DLC1: variants seen among roughly 807,000 people sequenced by gnomAD.
The protein encoded by DLC1 is rho GTPase-activating protein 7.
Under a neutral mutation model 140.3 loss-of-function variants are expected in DLC1, and 54 were observed. The ratio of observed to expected loss-of-function variants is 0.38; its 90% CI spans 0.31 to 0.48. DLC1 has a LOEUF of 0.48. Among genes scored for constraint, DLC1 ranks in the 20% least tolerant of loss-of-function variants. DLC1 has a pLI of 0.96. For missense variants in DLC1, 2,536 were observed against 1,907.0 expected, an observed-to-expected ratio of 1.33 and a Z score of -6.14; for synonymous variants, 986 against 728.1, an observed-to-expected ratio of 1.35 and a Z score of -5.70.
At chr8:13,597,797 A>G (rs984827830) in intron 1 of DLC1, among the ~76,000 whole-genome samples, 7 of 152,256 alleles carry the variant, frequency 4.6e-5, no homozygotes, top group Admixed American at 6.6e-5. Context: ...ATAACTGCAC[A>G]GAAGGACTGA....
At chr8:13,206,135 A>G (rs2117087969) in intron 5 of DLC1, among the ~76,000 whole-genome samples, 1 of 152,320 alleles carries the variant, frequency 6.6e-6, no homozygotes, top group East Asian at 1.9e-4. Flanking sequence ...TTAGTTATGT[A>G]ACACCCAATT....
Position 13,568,182 on chromosome 8 carries a change from A to AC in DLC1, c.-126+36354_-126+36355insG, listed in dbSNP as rs1804524614. 5 of 471,286 alleles carry AC rather than the reference A, an allele frequency of 1.1e-5. No homozygotes were observed. In the Admixed American group the frequency reaches 2.0e-4, roughly 19 times the overall value. The allele number at this position is 471,286 out of a possible 1,614,324, so 29.2% of individuals were successfully genotyped here. A position where few individuals can be genotyped will look rare whatever the true frequency, so the allele number is the denominator to read the frequency against. On this transcript the variant is annotated intron_variant, in intron 1 of 1. Coordinates refer to the DLC1 transcript ENST00000631382. ...GTTTGGGCCAGGATGTTGATGGTAC[A>AC]GAAGCAAAGTAGTATGGGGATGTAA...
At chr8:13,395,036 TCTATCTATCTATCTATTA>T (rs1414021423) in intron 3 of DLC1, among the ~76,000 whole-genome samples, 2 of 147,298 alleles carry the variant, frequency 1.4e-5, no homozygotes, top group African/African-American at 5.0e-5. Flanking sequence ...CTATCTATCA[TCTATCTATCTATCTATTA>T]GGTACCTATC....
intron 4 of DLC1, among the ~76,000 whole-genome samples, chr8:13,314,021 A>T (rs1402753519): frequency 6.6e-6 from 1 of 152,066 alleles, no homozygotes; most frequent in African/African-American, 2.4e-5. Context: ...GCATAAGTGG[A>T]AGTGATCCCT....
intron 8 of DLC1, 133 bp from the exon 9 acceptor site, chr8:13,100,903 A>ATTT: frequency 1.3e-4 from 96 of 762,174 alleles, no homozygotes; most frequent in Non-Finnish European, 1.6e-4. Flanking sequence ...TTAATTTTAA[A>ATTT]GTTTTTTTTT....
In DLC1 at chr8:13,499,792, C is replaced by T. The variant is rs549677737; in HGVS notation, c.280G>A (p.Glu94Lys). ...DVDENDSHEGEDQFLSLEAST... is the reference protein window; with the variant it reads ...DVDENDSHEGKDQFLSLEAST... ...GCTTCCAGAGAAAGAAACTGATCTT[C>T]ACCTTCATGGCTGTCATTTTCGTCC... The change falls in exon 2 of 18, where the codon GAA becomes AAA. Residue 94 changes from glutamate (E) to lysine (K), a missense_variant. Coordinates refer to ENST00000276297, the MANE Select transcript of DLC1 (RefSeq NM_182643.3). 23 of 1,614,050 alleles carry T rather than the reference C, an allele frequency of 1.4e-5. No homozygotes were observed. The South Asian group carries it at 2.5e-4, about 18-fold the overall frequency.
At chr8:13,506,579 G>GTATA (rs1174731445) in intron 1 of DLC1, among the ~76,000 whole-genome samples, 12 of 7,060 alleles carry the variant, frequency 1.7e-3, no homozygotes, top group African/African-American at 3.3e-3. Context: ...GTGTGTGTGT[G>GTATA]TGTATATATA....
At chr8:13,094,308 C>T (rs1412746377) in intron 12 of DLC1, among the ~76,000 whole-genome samples, 4 of 152,288 alleles carry the variant, frequency 2.6e-5, no homozygotes, top group African/African-American at 2.4e-5. Flanking sequence ...ACAAACAAGG[C>T]GGCAAGGAAG....
rs537117348 is a variant in DLC1, at chr8:13,188,112, T to A, written c.1349-72455A>T. Reference sequence around the variant, plus strand: ...TTTTTTTTTTTTTTGAGACAGAGTCTTGCTCTTGTTGCGCAGGCTGGAGTG... The same window carrying A: ...TTTTTTTTTTTTTTGAGACAGAGTCATGCTCTTGTTGCGCAGGCTGGAGTG... On this transcript the variant is annotated intron_variant, in intron 5 of 17. Coordinates refer to ENST00000276297, the MANE Select transcript of DLC1 (RefSeq NM_182643.3). Among the ~76,000 whole-genome samples the A allele has an allele frequency of 1.1e-4, 15 of 141,140 alleles. No individual in the cohort carries two copies. In the East Asian group the frequency reaches 3.2e-3, roughly 30 times the overall value. 92.6% of individuals were successfully genotyped at this position (141,140 alleles called of 152,430 possible).
chr8:13,366,630 T>A (rs1729176), intron 4 of DLC1, among the ~76,000 whole-genome samples: 55 of 152,070 alleles, frequency 3.6e-4, no homozygotes, highest in African/African-American at 1.2e-3. Context: ...AATTTAGAAA[T>A]CTGCTTGGTT....
At chr8:13,591,998 G>A (rs1805530718) in intron 1 of DLC1, among the ~76,000 whole-genome samples, 1 of 152,036 alleles carries the variant, frequency 6.6e-6, no homozygotes, top group Non-Finnish European at 1.5e-5. Flanking sequence ...TTTGGAGGTT[G>A]CAATCAGATA....
chr8:13,592,907 A>AATCTT (rs1805565858), intron 1 of DLC1, among the ~76,000 whole-genome samples: 2 of 152,124 alleles, frequency 1.3e-5, no homozygotes, highest in Admixed American at 6.6e-5. Context: ...TAATCCCAGA[A>AATCTT]ATCTTACTGA....
At chr8:13,409,586 T>C (rs1343686348) in intron 2 of DLC1, among the ~76,000 whole-genome samples, 1 of 152,214 alleles carries the variant, frequency 6.6e-6, no homozygotes, top group Non-Finnish European at 1.5e-5. Context: ...CTGGGTATTT[T>C]ATGTCTTATC....
chr8:13,473,018 G>C (rs1244006106), intron 2 of DLC1, among the ~76,000 whole-genome samples: 1 of 152,180 alleles, frequency 6.6e-6, no homozygotes, highest in African/African-American at 2.4e-5. Flanking sequence ...TATAGTTGAA[G>C]AGACACAGAA....
intron 5 of DLC1, among the ~76,000 whole-genome samples, chr8:13,209,038 C>A (rs998038395): frequency 2.0e-4 from 31 of 152,202 alleles, no homozygotes; most frequent in African/African-American, 7.5e-4. Flanking sequence ...TTAAGAATAA[C>A]TTGATGACTT....
chr8:13,576,087 A>G (rs961613259), intron 1 of DLC1, among the ~76,000 whole-genome samples: 3 of 152,352 alleles, frequency 2.0e-5, no homozygotes, highest in Admixed American at 6.5e-5. Context: ...GTTCAGCTAA[A>G]TATACTGGCC....
At chr8:13,560,388 T>A (rs1274980981) in intron 1 of DLC1, among the ~76,000 whole-genome samples, 1 of 152,218 alleles carries the variant, frequency 6.6e-6, no homozygotes, top group Non-Finnish European at 1.5e-5. Context: ...CAGACAGGTT[T>A]GTGATAGGGT....
intron 5 of DLC1, among the ~76,000 whole-genome samples, chr8:13,149,292 C>G (rs1823645985): frequency 6.6e-6 from 1 of 152,128 alleles, no homozygotes; most frequent in Non-Finnish European, 1.5e-5. Context: ...GAGCTCTGTT[C>G]TTTTCCTTCA....
chr8:13,561,512 A>G (rs982070852), intron 1 of DLC1, among the ~76,000 whole-genome samples: 2 of 152,202 alleles, frequency 1.3e-5, no homozygotes, highest in Non-Finnish European at 2.9e-5. Flanking sequence ...TATTTTTTTA[A>G]TGCAAAACTG....
Sources: allele counts gnomAD v4.1 joint callset (sites outside exome capture counted in the v4.1 genomes callset), GRCh38; gene constraint gnomAD v4.1.1; transcripts MANE v1.5; gene names NCBI Gene and HGNC (gene_info 2026-07-23, HGNC 2026-07-21).